Variants in AFAP1L2 observed in about 807,000 individuals in gnomAD.
The protein encoded by AFAP1L2 is actin filament-associated protein 1-like 2.
AFAP1L2 carries 46 observed loss-of-function variants against 99.3 expected under a neutral mutation model. That is an observed-to-expected ratio of 0.46 (90% confidence interval 0.37 to 0.59). AFAP1L2 has a LOEUF of 0.59. AFAP1L2 is among the 20% of genes least tolerant of loss of function. The pLI is 0.00. For missense variants in AFAP1L2, 959 were observed against 1,034.9 expected, an observed-to-expected ratio of 0.93 and a Z score of 1.01; for synonymous variants, 397 against 419.1, an observed-to-expected ratio of 0.95 and a Z score of 0.64.
In AFAP1L2 at chr10:114,396,879, G is replaced by A. The variant is rs2057772028; in HGVS notation, c.16+7561C>T. On this transcript the variant is annotated intron_variant, in intron 1 of 18. Transcript: ENST00000304129. ...CACACTGATTGTGCCTAATGAAAAA[G>A]TCTCTGGCATTTAGGATGTCATCAG... is the stretch of plus-strand genomic sequence containing the variant. Among the ~76,000 whole-genome samples, 5 of 152,278 alleles carry A rather than the reference G, an allele frequency of 3.3e-5. No homozygotes were observed. In the South Asian group the frequency reaches 1.0e-3, roughly 32 times the overall value.
intron 1 of AFAP1L2, among the ~76,000 whole-genome samples, chr10:114,360,631 G>A (rs1413311350): frequency 6.6e-6 from 1 of 151,990 alleles, no homozygotes; most frequent in East Asian, 1.9e-4. Flanking sequence ...CTAGTACAGA[G>A]AGCTTCTGCA....
intron 1 of AFAP1L2, among the ~76,000 whole-genome samples, chr10:114,375,934 T>C (rs1251127815): frequency 6.6e-6 from 1 of 152,174 alleles, no homozygotes; most frequent in African/African-American, 2.4e-5. Flanking sequence ...CATTCCGGCC[T>C]GGGAGACAGA....
chr10:114,330,896 G>T (rs1452280748), intron 4 of AFAP1L2, among the ~76,000 whole-genome samples: 1 of 152,234 alleles, frequency 6.6e-6, no homozygotes, highest in Admixed American at 6.5e-5. Context: ...GGGTAACTGG[G>T]TGGTGGGTAG....
downstream of AFAP1L2, chr10:114,290,359 G>C (rs548778680): frequency 2.0e-5 from 31 of 1,550,518 alleles, no homozygotes; most frequent in Admixed American, 4.3e-4. Flanking sequence ...CCCCCACTGC[G>C]AGAACCGTGA....
At chr10:114,308,392 C>T (rs772124747) in intron 9 of AFAP1L2, 41 bp downstream of exon 9, 19 of 1,568,908 alleles carry the variant, frequency 1.2e-5, no homozygotes, top group Non-Finnish European at 1.7e-5. Flanking sequence ...CCCAGCCTCA[C>T]AGCCTGGGAC....
intron 1 of AFAP1L2, among the ~76,000 whole-genome samples, chr10:114,384,443 G>A (rs930280235): frequency 5.3e-5 from 8 of 152,174 alleles, no homozygotes; most frequent in African/African-American, 1.7e-4. Context: ...CGCTGTGAGC[G>A]TAGATGGAGG....
chr10:114,332,041 C>T lies in AFAP1L2; in HGVS notation c.221-144G>A, dbSNP rs569189101. 3.5e-5 allele frequency: 17 copies of T among 485,452 alleles called. No homozygotes were observed. The Middle Eastern group carries it at 3.4e-3, about 96-fold the overall frequency. The allele number at this position is 485,452 out of a possible 1,614,324, so 30.1% of individuals were successfully genotyped here. ...TACCCAGGCAGGCGGTCCCTGGAAC[C>T]GAAGTTGTTTTTCCTCCCTGCAGTA... On this transcript the variant is annotated intron_variant, in intron 3 of 18. Transcript: ENST00000304129.
intron 1 of AFAP1L2, among the ~76,000 whole-genome samples, chr10:114,393,028 C>T (rs1407513321): frequency 1.3e-5 from 2 of 152,166 alleles, no homozygotes; most frequent in Non-Finnish European, 2.9e-5. Context: ...CACGCATGTG[C>T]CCCTATCATA....
downstream of AFAP1L2, among the ~76,000 whole-genome samples, chr10:114,291,770 G>A (rs973219051): frequency 6.6e-6 from 1 of 152,224 alleles, no homozygotes; most frequent in Non-Finnish European, 1.5e-5. Context: ...TTTGCATTGA[G>A]TCTGAAAGGG....
At chr10:114,378,966 C>G (rs184947700) in intron 1 of AFAP1L2, among the ~76,000 whole-genome samples, 1 of 152,168 alleles carries the variant, frequency 6.6e-6, no homozygotes, top group Admixed American at 6.5e-5. Context: ...AATCCCAGTA[C>G]TCTGGGAGGC....
intron 1 of AFAP1L2, among the ~76,000 whole-genome samples, chr10:114,382,585 T>TCTC (rs2055805254): frequency 1.0e-4 from 1 of 9,668 alleles, no homozygotes; most frequent in Admixed American, 1.6e-3. Flanking sequence ...GTATATTTCT[T>TCTC]CTCTTTTTTT....
In AFAP1L2 at chr10:114,331,911, A is replaced by G; in HGVS notation, c.221-14T>C. 1 of 1,289,582 alleles carries G rather than the reference A, an allele frequency of 7.8e-7. No individual in the cohort carries two copies. The highest frequency in any genetic ancestry group is 9.9e-7 in the Non-Finnish European group (1 of 1,009,374). 79.9% of individuals were successfully genotyped at this position (1,289,582 alleles called of 1,614,324 possible). A position where few individuals can be genotyped will look rare whatever the true frequency, so the allele number is the denominator to read the frequency against. ...GCTCCTCAGGCGCTGCGGGCAGCAAAAGGAAAAGGCTTCGGTGAGGGGTGA... is the reference window on the plus strand; with the variant it reads ...GCTCCTCAGGCGCTGCGGGCAGCAAGAGGAAAAGGCTTCGGTGAGGGGTGA... On this transcript the variant is annotated splice_polypyrimidine_tract_variant and intron_variant, in intron 3 of 18. Transcript: ENST00000304129.
chr10:114,399,294 G>A (rs956409909), intron 1 of AFAP1L2, among the ~76,000 whole-genome samples: 2 of 152,204 alleles, frequency 1.3e-5, no homozygotes. Flanking sequence ...AGGCATTAAT[G>A]AGGCTATCCC....
chr10:114,383,520 G>GT (rs753539012), intron 1 of AFAP1L2, among the ~76,000 whole-genome samples: 8 of 152,130 alleles, frequency 5.3e-5, no homozygotes, highest in Non-Finnish European at 1.0e-4. Flanking sequence ...CATATTCTAT[G>GT]TTACAAATTT....
At chr10:114,282,634 A>G in the AFAP1L2 span, 1 of 1,479,866 alleles carries the variant, frequency 6.8e-7, no homozygotes, top group Non-Finnish European at 9.5e-7. Context: ...TGCTTTGTAA[A>G]GTGGCTTTTA....
rs1429372292 is a variant in AFAP1L2, at chr10:114,404,496, C to A, written c.-41G>T. The A allele has an allele frequency of 5.9e-6, 9 of 1,527,474 alleles. No individual in the cohort carries two copies. In the East Asian group the frequency reaches 2.1e-4, roughly 35 times the overall value. 94.6% of individuals were successfully genotyped at this position (1,527,474 alleles called of 1,614,324 possible). A position where few individuals can be genotyped will look rare whatever the true frequency, so the allele number is the denominator to read the frequency against. On this transcript the variant is annotated 5_prime_UTR_variant, in exon 1 of 19. Transcript: ENST00000304129. ...CGCTCCTCGCGGCTCGGCTTCTGCG[C>A]TGCTCTCCCGGCGCTCGGCTCAGCG...
chr10:114,340,756 T>C, intron 1 of AFAP1L2, 25 bp from the exon 2 acceptor site: 1 of 1,614,028 alleles, frequency 6.2e-7, no homozygotes, highest in East Asian at 2.2e-5. Context: ...CAGAAGAAAC[T>C]TATAGTGGCT....
chr10:114,353,301 A>C (rs2050821951), intron 1 of AFAP1L2, among the ~76,000 whole-genome samples: 1 of 152,220 alleles, frequency 6.6e-6, no homozygotes, highest in Non-Finnish European at 1.5e-5. Flanking sequence ...TCATTTCAGC[A>C]CTTAGATTCA....
At chr10:114,318,660 T>C (rs1324140341) in intron 5 of AFAP1L2, among the ~76,000 whole-genome samples, 1 of 146,990 alleles carries the variant, frequency 6.8e-6, no homozygotes, top group Non-Finnish European at 1.5e-5. Flanking sequence ...GGAGAATCAT[T>C]TGAACCAGGA....
Sources: gnomAD v4.1 joint callset for allele counts (sites outside exome capture counted in the v4.1 genomes callset) on GRCh38, gnomAD v4.1.1 for gene constraint, MANE v1.5 for transcripts, NCBI Gene and HGNC (gene_info 2026-07-23, HGNC 2026-07-21) for gene names.